HLA-DMB: variants seen among roughly 807,000 people sequenced by gnomAD.
HLA-DMB encodes the protein major histocompatibility complex, class II, DM beta.
HLA-DMB carries 18 observed loss-of-function variants against 29.3 expected under a neutral mutation model. The observed-to-expected ratio is 0.62, with a 90% CI of 0.43 to 0.91. The LOEUF (loss-of-function observed/expected upper bound fraction) is 0.91. Among genes scored for constraint, HLA-DMB ranks in the 40% least tolerant of loss-of-function variants. The pLI, the probability that HLA-DMB is intolerant of heterozygous loss-of-function variation, is 0.00. For synonymous variants in HLA-DMB, 143 were observed against 128.7 expected (o/e 1.11, Z -0.75); for missense variants, 258 against 320.9 (o/e 0.80, Z 1.50).
At chr6:32,935,035 C>A (rs749485997) in intron 5 of HLA-DMB, 48 bp from the exon 6 acceptor site, 1 of 1,609,420 alleles carries the variant, frequency 6.2e-7, no homozygotes, top group South Asian at 1.1e-5. Flanking sequence ...CCCAACTTGC[C>A]CCCATCGTTT....
rs374508510 is a variant in HLA-DMB, at chr6:32,940,760, T to C, written c.48A>G (p.Thr16=). 9.3e-6 allele frequency: 15 copies of C among 1,605,668 alleles called. No homozygotes were observed. Among genetic ancestry groups the C allele is most frequent in the African/African-American group, 4.0e-5 (3 of 74,756 alleles). ...PLLLGLSLGC[T]GAGGFVAHVE... is the part of the protein sequence containing the mutation. ...CAGAAGAAGTGTCCTTACCTGCTCC[T>C]GTGCAGCCCAGGCTGAGCCCCAGCA... is the stretch of plus-strand genomic sequence containing the variant. The change falls in exon 1 of 6, where the codon ACA becomes ACG. Residue 16 remains threonine, a synonymous_variant. Coordinates refer to ENST00000418107, the MANE Select transcript of HLA-DMB (RefSeq NM_002118.5).
chr6:32,939,531 T>C (rs1238539552), intron 1 of HLA-DMB, among the ~76,000 whole-genome samples: 1 of 152,216 alleles, frequency 6.6e-6, no homozygotes, highest in African/African-American at 2.4e-5. Flanking sequence ...TGTTAAAGGA[T>C]GCAAAATTAT....
intron 1 of HLA-DMB, 69 bp downstream of exon 1, chr6:32,940,684 C>G: frequency 7.8e-7 from 1 of 1,276,538 alleles, no homozygotes; most frequent in Non-Finnish European, 1.1e-6. Flanking sequence ...AATGCAATTA[C>G]AAAACGGAAC....
At chr6:32,936,460 C>T (rs186117705) in intron 3 of HLA-DMB, 1 of 152,506 alleles carries the variant, frequency 6.6e-6, no homozygotes, top group African/African-American at 2.4e-5. Context: ...GACACCCTTC[C>T]TCTTCCTCAT....
chr6:32,935,277 C>A lies in HLA-DMB; in HGVS notation c.775+65G>T, dbSNP rs115175785. The A allele has an allele frequency of 1.1e-3, 1,370 of 1,299,264 alleles. 7 individuals are homozygous for A. Among genetic ancestry groups the A allele is most frequent in the African/African-American group, 6.9e-3 (476 of 68,636 alleles). 80.5% of individuals were successfully genotyped at this position (1,299,264 alleles called of 1,614,324 possible). On this transcript the variant is annotated intron_variant, in intron 5 of 5. Transcript: ENST00000418107. ...TAATCAAGATTAGTTGAACCCAACA[C>A]TGACCCCTCTAACCCGCACCCCTAC...
In HLA-DMB at chr6:32,935,587, G is replaced by C; in HGVS notation, c.688C>G (p.Leu230Val). ...ATCACACCAAGAGAGAAGATGATGA[G>C]GCCCAGGCCCAGAGTCACTGCAGAC... Reference protein sequence around the residue: ...SVSAVTLGLGLIIFSLGVISW... With the variant: ...SVSAVTLGLGVIIFSLGVISW... Residue 230 changes from leucine to valine, a missense_variant, in exon 4 of 6, where the codon CTC becomes GTC. Physicochemically the swap from Leu to Val is conservative, Grantham distance 32. Transcript: ENST00000418107. 1 of 1,613,026 alleles carries C rather than the reference G, an allele frequency of 6.2e-7. No homozygotes were observed. The highest frequency in any genetic ancestry group is 8.5e-7 in the Non-Finnish European group (1 of 1,179,996).
At chr6:32,940,627 A>G in intron 1 of HLA-DMB, 126 bp downstream of exon 1, 1 of 615,362 alleles carries the variant, frequency 1.6e-6, no homozygotes, top group Non-Finnish European at 2.9e-6. Context: ...CAAAGTACAA[A>G]GTGCTATAGG....
intron 1 of HLA-DMB, among the ~76,000 whole-genome samples, chr6:32,940,340 A>G (rs1776280866): frequency 1.3e-5 from 2 of 152,152 alleles, no homozygotes; most frequent in Non-Finnish European, 2.9e-5. Context: ...GATTATTTGC[A>G]TGTTTAAACA....
At chr6:32,935,305 A>C (rs1190976269) in intron 5 of HLA-DMB, 37 bp downstream of exon 5, 1 of 1,573,080 alleles carries the variant, frequency 6.4e-7, no homozygotes, top group Non-Finnish European at 8.7e-7. Context: ...ACCCCTACCA[A>C]AGGGCAAGTA....
intron 3 of HLA-DMB, chr6:32,936,100 G>T: frequency 5.8e-6 from 1 of 172,224 alleles, no homozygotes. Context: ...CATCCTGTGA[G>T]TTATCCTACT....
intron 1 of HLA-DMB, among the ~76,000 whole-genome samples, chr6:32,940,430 T>A (rs1426591118): frequency 6.6e-6 from 1 of 152,136 alleles, no homozygotes. Context: ...GAGTCAGCCT[T>A]GTATTGTGCT....
chr6:32,937,220 AGGTGTAAGTGTCCCCGTAAGAGGG>A lies in HLA-DMB; in HGVS notation c.550_573del (p.Pro184_Thr191del). On this transcript the variant is annotated inframe_deletion, in exon 3 of 6. Transcript: ENST00000418107. This position sits in a 1 kb window ranked among gnomAD's most constrained non-coding sequence, Gnocchi z 4.1. The stretch of plus-strand genomic sequence containing the variant: ...GGAGCCCCAGTGTGCTCTACCACAC[AGGTGTAAGTGTCCCCGTAAGAGGG>A]GGTTAAGGCTAAATGGGAGAGGGTC... 6.2e-7 allele frequency: 1 copy of A among 1,611,860 alleles called. No individual in the cohort carries two copies. Among genetic ancestry groups the A allele is most frequent in the South Asian group, 1.1e-5 (1 of 90,978 alleles).
chr6:32,940,837 A>C lies in HLA-DMB; in HGVS notation c.-30T>G. 6.4e-7 allele frequency: 1 copy of C among 1,565,592 alleles called. No individual in the cohort carries two copies. The highest frequency in any genetic ancestry group is 8.7e-7 in the Non-Finnish European group (1 of 1,154,062). On this transcript the variant is annotated 5_prime_UTR_variant, in exon 1 of 6. Coordinates refer to ENST00000418107, the MANE Select transcript of HLA-DMB (RefSeq NM_002118.5). ...TGCTCTGTAAAGATGCCGGGAGTTC[A>C]GTCCCCTGGACCAGCTCTTCCAGGG...
chr6:32,938,587 G>A (rs747182804), intron 2 of HLA-DMB, 97 bp downstream of exon 2: 1 of 1,191,306 alleles, frequency 8.4e-7, no homozygotes, highest in Non-Finnish European at 1.1e-6. Context: ...CTTATTTGCT[G>A]CTCAAATCTC....
At chr6:32,935,457 A>G (rs1293848874) in intron 4 of HLA-DMB, 79 bp downstream of exon 4, 1 of 1,505,102 alleles carries the variant, frequency 6.6e-7, no homozygotes, top group Non-Finnish European at 9.2e-7. Context: ...TGCAGTAGGA[A>G]GGAGAGAGTT....
Position 32,938,892 on chromosome 6 carries a change from G to A in HLA-DMB, c.129C>T (p.Cys43=). 2 of 1,611,498 alleles carry A rather than the reference G, an allele frequency of 1.2e-6. No homozygotes were observed. Among genetic ancestry groups the A allele is most frequent in the Non-Finnish European group, 1.7e-6 (2 of 1,179,412 alleles). The part of the protein sequence containing the change: ...DAGTPKDFTY[C]ISFNKDLLTC... ...TCAGCAGATCCTTGTTGAAGGAGATGCAGTATGTGAAATCCTTTGGAGTCC... is the reference window on the plus strand; with the variant it reads ...TCAGCAGATCCTTGTTGAAGGAGATACAGTATGTGAAATCCTTTGGAGTCC... The change falls in exon 2 of 6, where the codon TGC becomes TGT. Residue 43 remains cysteine (C), a synonymous_variant. Transcript: ENST00000418107.
rs769354877 is a variant in HLA-DMB, at chr6:32,938,848, T to A, written c.173A>T (p.Glu58Val). ...AAATTCGCAAGGGGCCATCTTATTCTCCTCTGGATCCCAGCAGGTCAGCAG... is the reference window on the plus strand; with the variant it reads ...AAATTCGCAAGGGGCCATCTTATTCACCTCTGGATCCCAGCAGGTCAGCAG... ...KDLLTCWDPE[E>V]NKMAPCEFGV... The change falls in exon 2 of 6, where the codon GAG (glutamate) becomes GTG (valine). Residue 58 changes from glutamate (E) to valine (V), a missense_variant. By Grantham distance (121) the Glu-to-Val change is moderately radical. Transcript: ENST00000418107. 2 of 1,612,314 alleles carry A rather than the reference T, an allele frequency of 1.2e-6. No homozygotes were observed.
rs780135672 is a variant in HLA-DMB, at chr6:32,938,937, G to A, written c.84C>T (p.Thr28=). Residue 28 remains threonine (T), a synonymous_variant, in exon 2 of 6, where the codon ACC becomes ACT. Transcript: ENST00000418107. ...AGGFVAHVES[T]CLLDDAGTPK... Reference sequence around the variant, plus strand: ...GAGTCCCAGCATCATCCAACAGACAGGTGCTTTCCACATGGGCCACGAAGC... The same window carrying A: ...GAGTCCCAGCATCATCCAACAGACAAGTGCTTTCCACATGGGCCACGAAGC... 3.8e-6 allele frequency: 6 copies of A among 1,589,780 alleles called. No homozygotes were observed. The South Asian group carries it at 6.8e-5, about 18-fold the overall frequency.
At chr6:32,940,179 T>A (rs1776272089) in intron 1 of HLA-DMB, among the ~76,000 whole-genome samples, 1 of 152,092 alleles carries the variant, frequency 6.6e-6, no homozygotes, top group Non-Finnish European at 1.5e-5. Context: ...TGGCACAGAT[T>A]TCCTGCTCAG....
Sources: gnomAD v4.1 joint callset for allele counts (sites outside exome capture counted in the v4.1 genomes callset) on GRCh38, gnomAD v4.1.1 for gene constraint, Gnocchi (gnomAD v3.1) non-coding constraint, MANE v1.5 for transcripts, NCBI Gene and HGNC (gene_info 2026-07-23, HGNC 2026-07-21) for gene names.